GUCY1A2: variants seen among roughly 807,000 people sequenced by gnomAD.
The protein encoded by GUCY1A2 is guanylate cyclase soluble subunit alpha-2.
Under a neutral mutation model 63.5 loss-of-function variants are expected in GUCY1A2, and 27 were observed. That is an observed-to-expected ratio of 0.43 (90% CI 0.31 to 0.59). The LOEUF (loss-of-function observed/expected upper bound fraction) is 0.59, where lower values mean the gene tolerates loss of function less well. Among genes scored for constraint, GUCY1A2 ranks in the 20% least tolerant of loss-of-function variants. GUCY1A2 has a pLI of 0.11. For missense variants in GUCY1A2, 768 were observed against 913.3 expected, an observed-to-expected ratio of 0.84 and a Z score of 2.05; for synonymous variants, 364 against 343.5, an observed-to-expected ratio of 1.06 and a Z score of -0.66.
chr11:106,697,164 G>A (rs1862734699), intron 7 of GUCY1A2, among the ~76,000 whole-genome samples: 1 of 152,134 alleles, frequency 6.6e-6, no homozygotes, highest in African/African-American at 2.4e-5. Context: ...GATCTCCAGA[G>A]GAAACACTGT....
At chr11:106,848,534 C>T (rs1565309047) in intron 4 of GUCY1A2, among the ~76,000 whole-genome samples, 2 of 151,602 alleles carry the variant, frequency 1.3e-5, no homozygotes, top group Non-Finnish European at 3.0e-5. Flanking sequence ...CTTGTTTTAA[C>T]AGTGGATATA....
At chr11:106,841,854 T>C (rs1245951052) in intron 4 of GUCY1A2, among the ~76,000 whole-genome samples, 1 of 151,918 alleles carries the variant, frequency 6.6e-6, no homozygotes, top group East Asian at 1.9e-4. Flanking sequence ...TCCATTAGAA[T>C]TTTACTTTAC....
chr11:106,944,428 C>T (rs1860798556), intron 3 of GUCY1A2, among the ~76,000 whole-genome samples: 1 of 151,930 alleles, frequency 6.6e-6, no homozygotes, highest in African/African-American at 2.4e-5. Context: ...GCCTGAGTGA[C>T]AGAGTGAGAC....
intron 2 of GUCY1A2, among the ~76,000 whole-genome samples, chr11:106,984,508 T>C (rs575807661): frequency 6.6e-6 from 1 of 152,316 alleles, no homozygotes; most frequent in South Asian, 2.1e-4. Flanking sequence ...TTTGATCACA[T>C]TATAAGAGTC....
At chr11:106,825,472 A>T (rs1858956706) in intron 4 of GUCY1A2, among the ~76,000 whole-genome samples, 1 of 151,758 alleles carries the variant, frequency 6.6e-6, no homozygotes. Flanking sequence ...AATTGCAAGA[A>T]AAATCTCATG....
intron 3 of GUCY1A2, among the ~76,000 whole-genome samples, chr11:106,954,378 G>A (rs1860953501): frequency 6.6e-6 from 1 of 152,154 alleles, no homozygotes; most frequent in Admixed American, 6.6e-5. Context: ...CCAAGAAACT[G>A]TTACGATTTC....
chr11:106,917,632 T>C (rs1418717210), intron 4 of GUCY1A2, among the ~76,000 whole-genome samples: 1 of 144,048 alleles, frequency 6.9e-6, no homozygotes, highest in Non-Finnish European at 1.6e-5. Context: ...GATGAGTTCA[T>C]GTCCTTTGTA....
intron 6 of GUCY1A2, among the ~76,000 whole-genome samples, chr11:106,754,938 T>C (rs1863947531): frequency 6.6e-6 from 1 of 152,196 alleles, no homozygotes; most frequent in Non-Finnish European, 1.5e-5. Context: ...TGGTACCAGC[T>C]CCTCTTTGTC....
chr11:106,956,789 A>T (rs1248071977), intron 3 of GUCY1A2, among the ~76,000 whole-genome samples: 1 of 152,166 alleles, frequency 6.6e-6, no homozygotes, highest in Non-Finnish European at 1.5e-5. Flanking sequence ...GACCCATTTA[A>T]TGAAGCACTT....
chr11:106,982,645 A>G (rs1861352421), intron 2 of GUCY1A2, among the ~76,000 whole-genome samples: 2 of 152,306 alleles, frequency 1.3e-5, no homozygotes, highest in South Asian at 4.1e-4. Context: ...TAGAGAAGAC[A>G]TTTGAACAGA....
chr11:106,847,111 A>C (rs1204932743), intron 4 of GUCY1A2, among the ~76,000 whole-genome samples: 2 of 151,340 alleles, frequency 1.3e-5, no homozygotes, highest in East Asian at 1.9e-4. Flanking sequence ...CCATAGTTAT[A>C]CATATAACTG....
intron 6 of GUCY1A2, among the ~76,000 whole-genome samples, chr11:106,771,779 T>C (rs1200356752): frequency 2.6e-5 from 4 of 151,556 alleles, no homozygotes; most frequent in Admixed American, 6.6e-5. Flanking sequence ...GAAAATCAGA[T>C]TCTCCCTTGG....
chr11:106,821,836 A>C (rs1321510260), intron 4 of GUCY1A2, among the ~76,000 whole-genome samples: 2 of 152,044 alleles, frequency 1.3e-5, no homozygotes, highest in African/African-American at 2.4e-5. Context: ...GTATTATTTT[A>C]TGTTATCATT....
chr11:106,816,529 G>A (rs1170273594), intron 4 of GUCY1A2, among the ~76,000 whole-genome samples: 1 of 151,404 alleles, frequency 6.6e-6, no homozygotes, highest in African/African-American at 2.4e-5. Context: ...AATAATCTAA[G>A]TGTCTACCTC....
At chr11:106,722,814 G>A (rs1863340038) in intron 6 of GUCY1A2, among the ~76,000 whole-genome samples, 2 of 140,910 alleles carry the variant, frequency 1.4e-5, no homozygotes, top group Non-Finnish European at 3.2e-5. Flanking sequence ...GTGTGTGTGT[G>A]TGTGTTGCAC....
chr11:106,822,885 G>A (rs1338059082), intron 4 of GUCY1A2, among the ~76,000 whole-genome samples: 2 of 152,198 alleles, frequency 1.3e-5, no homozygotes, highest in South Asian at 2.1e-4. Context: ...AATAGTTGAA[G>A]GCATTGGAAT....
chr11:106,678,202 C>G lies in GUCY1A2; in HGVS notation c.*9347G>C, dbSNP rs1450123421. 10 of 198,132 alleles carry G rather than the reference C, an allele frequency of 5.0e-5. No individual in the cohort carries two copies. The highest frequency in any genetic ancestry group is 2.1e-4 in the African/African-American group (9 of 43,396). 12.3% of individuals were successfully genotyped at this position (198,132 alleles called of 1,614,324 possible). A position where few individuals can be genotyped will look rare whatever the true frequency, so the allele number is the denominator to read the frequency against. On this transcript the variant is annotated 3_prime_UTR_variant, in exon 8 of 8. Coordinates refer to ENST00000526355, the MANE Select transcript of GUCY1A2 (RefSeq NM_000855.3). ...TAGACCTTCTTGGCTAGAGTTTGAT[C>G]TACCATCAGAAATAATTTCTTCTTT...
At chr11:106,914,680 A>G (rs2119879389) in intron 4 of GUCY1A2, among the ~76,000 whole-genome samples, 1 of 152,064 alleles carries the variant, frequency 6.6e-6, no homozygotes, top group Admixed American at 6.5e-5. Flanking sequence ...GAGAAGAGAA[A>G]TAATTACAAG....
chr11:106,685,032 AACATTGTAACT>A lies in GUCY1A2; in HGVS notation c.*2506_*2516del, dbSNP rs1220131568. The A allele has an allele frequency of 4.9e-6, 1 of 204,756 alleles. No homozygotes were observed. Among genetic ancestry groups the A allele is most frequent in the Admixed American group, 6.0e-5 (1 of 16,756 alleles). 12.7% of individuals were successfully genotyped at this position (204,756 alleles called of 1,614,324 possible). A position where few individuals can be genotyped will look rare whatever the true frequency, so the allele number is the denominator to read the frequency against. On this transcript the variant is annotated 3_prime_UTR_variant, in exon 8 of 8. Coordinates refer to ENST00000526355, the MANE Select transcript of GUCY1A2 (RefSeq NM_000855.3). ...ATAGTACCTCATAAACATATATAGC[AACATTGTAACT>A]ACAATAATCAACTATAATAGATTAG...
Sources: allele counts gnomAD v4.1 joint callset (sites outside exome capture counted in the v4.1 genomes callset), GRCh38; gene constraint gnomAD v4.1.1; transcripts MANE v1.5; gene names NCBI Gene and HGNC (gene_info 2026-07-23, HGNC 2026-07-21).